The following DPP10 variants were observed in gnomAD, a reference collection of about 807,000 sequenced individuals.
The protein encoded by DPP10 is inactive dipeptidyl peptidase 10.
Under a neutral mutation model 120.9 loss-of-function variants are expected in DPP10, and 33 were observed. The ratio of observed to expected loss-of-function variants is 0.27; its 90% CI spans 0.21 to 0.37. The LOEUF is 0.37. DPP10 is among the 10% of genes least tolerant of loss of function. The probability of loss-of-function intolerance (pLI) is 1.00; values close to 1 mark genes in which losing one functional copy is unlikely to be tolerated. For missense variants in DPP10, 816 were observed against 942.8 expected, an observed-to-expected ratio of 0.87 and a Z score of 1.76; for synonymous variants, 337 against 326.1, an observed-to-expected ratio of 1.03 and a Z score of -0.36.
At chr2:115,505,195 TC>T (rs1393027747) in intron 4 of DPP10, among the ~76,000 whole-genome samples, 1 of 151,946 alleles carries the variant, frequency 6.6e-6, no homozygotes, top group African/African-American at 2.4e-5. Context: ...GAGTAAGTCA[TC>T]CTTATAAACA....
intron 1 of DPP10, among the ~76,000 whole-genome samples, chr2:114,831,355 C>T (rs528729250): frequency 6.6e-6 from 1 of 152,112 alleles, no homozygotes; most frequent in East Asian, 1.9e-4. Context: ...TCTAGCTGTC[C>T]AGTATTTCAC....
chr2:115,166,552 ATATAT>A (rs2052883017), intron 1 of DPP10, among the ~76,000 whole-genome samples: 1 of 146,820 alleles, frequency 6.8e-6, no homozygotes, highest in African/African-American at 2.5e-5. Flanking sequence ...TAATATAAAT[ATATAT>A]TATATAAATT....
chr2:115,591,456 G>T (rs1006406218), intron 5 of DPP10, among the ~76,000 whole-genome samples: 1 of 152,192 alleles, frequency 6.6e-6, no homozygotes, highest in African/African-American at 2.4e-5. Flanking sequence ...TCAAAGATCA[G>T]ATGGTTGTAG....
chr2:114,969,256 A>G (rs1191904131), intron 1 of DPP10, among the ~76,000 whole-genome samples: 1 of 152,206 alleles, frequency 6.6e-6, no homozygotes, highest in African/African-American at 2.4e-5. Context: ...GTGGTATAAA[A>G]AACAGAACTA....
In DPP10 at chr2:115,228,960, G is replaced by T. The variant is rs574133749; in HGVS notation, c.61-80279G>T. On this transcript the variant is annotated intron_variant, in intron 1 of 25. Coordinates refer to ENST00000410059, the MANE Select transcript of DPP10 (RefSeq NM_020868.6). ...TCTTTTAAGGAACCTCCAACTGTTTGCCATAGTGCTTGTACTAATTTACAT... is the reference window on the plus strand; with the variant it reads ...TCTTTTAAGGAACCTCCAACTGTTTTCCATAGTGCTTGTACTAATTTACAT... Among the ~76,000 whole-genome samples the T allele has an allele frequency of 2.0e-5, 3 of 152,162 alleles. No individual in the cohort carries two copies. The South Asian group carries it at 6.2e-4, about 32-fold the overall frequency.
chr2:115,170,057 A>G lies in DPP10; in HGVS notation c.61-139182A>G, dbSNP rs1482409716. ...GCTGCCCTGTGATTTATTTTCAAAT[A>G]ATGGACCAGAGAGACCACTTGAAGT... On this transcript the variant is annotated intron_variant, in intron 1 of 25. Coordinates refer to ENST00000410059, the MANE Select transcript of DPP10 (RefSeq NM_020868.6). Among the ~76,000 whole-genome samples, 3 of 152,326 alleles carry G rather than the reference A, an allele frequency of 2.0e-5. No homozygotes were observed. The East Asian group carries it at 5.8e-4, about 29-fold the overall frequency.
intron 1 of DPP10, among the ~76,000 whole-genome samples, chr2:115,181,584 A>G (rs2054082886): frequency 6.6e-6 from 1 of 152,132 alleles, no homozygotes; most frequent in East Asian, 1.9e-4. Context: ...TCTAAAAGGG[A>G]TTATTCCAAG....
At chr2:114,855,569 A>G (rs908863446) in intron 1 of DPP10, among the ~76,000 whole-genome samples, 1 of 152,216 alleles carries the variant, frequency 6.6e-6, no homozygotes, top group Non-Finnish European at 1.5e-5. Flanking sequence ...CCTTCTCTGT[A>G]TGACAACATT....
intron 1 of DPP10, among the ~76,000 whole-genome samples, chr2:114,783,707 A>C (rs2106205165): frequency 6.6e-6 from 1 of 151,988 alleles, no homozygotes; most frequent in East Asian, 1.9e-4. Context: ...GGTGGCGCAC[A>C]CCTGTGATCC....
At chr2:115,836,117 G>A (rs1392647739) in intron 21 of DPP10, 40 bp from the exon 22 acceptor site, 54 of 891,414 alleles carry the variant, frequency 6.1e-5, no homozygotes, top group Non-Finnish European at 8.0e-5. Flanking sequence ...GTGTGTGTGT[G>A]AGATATATAT....
At chr2:115,281,205 T>C (rs1383761202) in intron 1 of DPP10, among the ~76,000 whole-genome samples, 1 of 152,198 alleles carries the variant, frequency 6.6e-6, no homozygotes, top group Non-Finnish European at 1.5e-5. Context: ...GGTACCTTAA[T>C]GAGGCAACTC....
chr2:114,651,055 C>T (rs187737803), intron 1 of DPP10, among the ~76,000 whole-genome samples: 28 of 152,288 alleles, frequency 1.8e-4, no homozygotes, highest in African/African-American at 6.5e-4. Context: ...TTGTTTTGGT[C>T]TATCTCCTAG....
intron 1 of DPP10, among the ~76,000 whole-genome samples, chr2:114,634,237 A>G (rs1385654806): frequency 6.6e-6 from 1 of 151,840 alleles, no homozygotes; most frequent in Non-Finnish European, 1.5e-5. Context: ...TTTAGGTAAG[A>G]TTTTGTTTCT....
intron 1 of DPP10, among the ~76,000 whole-genome samples, chr2:115,017,719 C>A (rs1040680755): frequency 3.9e-5 from 6 of 151,972 alleles, no homozygotes; most frequent in Non-Finnish European, 8.8e-5. Context: ...ATGGATGAAG[C>A]TGGAAACCAT....
At chr2:114,477,016 T>C (rs1272693360) in intron 1 of DPP10, among the ~76,000 whole-genome samples, 2 of 151,998 alleles carry the variant, frequency 1.3e-5, no homozygotes, top group East Asian at 3.9e-4. Flanking sequence ...TGGAGTGCAG[T>C]GGCATGATTT....
intron 1 of DPP10, among the ~76,000 whole-genome samples, chr2:114,779,450 T>A (rs962855982): frequency 6.6e-6 from 1 of 152,098 alleles, no homozygotes; most frequent in Non-Finnish European, 1.5e-5. Context: ...TTATCTCATA[T>A]CTAGGGTAGC....
At chr2:115,050,599 A>C (rs926102823) in intron 1 of DPP10, among the ~76,000 whole-genome samples, 4 of 152,188 alleles carry the variant, frequency 2.6e-5, no homozygotes, top group African/African-American at 9.7e-5. Flanking sequence ...GAAAGGCTGG[A>C]GATTGAAATG....
At chr2:115,773,614 A>C (rs1681735798) in intron 13 of DPP10, among the ~76,000 whole-genome samples, 1 of 152,108 alleles carries the variant, frequency 6.6e-6, no homozygotes, top group South Asian at 2.1e-4. Flanking sequence ...TTAATATTGC[A>C]GAGATTATGG....
intron 4 of DPP10, among the ~76,000 whole-genome samples, chr2:115,509,800 G>A (rs1183055888): frequency 6.6e-6 from 1 of 152,132 alleles, no homozygotes; most frequent in Non-Finnish European, 1.5e-5. Context: ...CTTCTAAGGT[G>A]GTTGCATGGA....
Sources: allele counts gnomAD v4.1 joint callset (sites outside exome capture counted in the v4.1 genomes callset), GRCh38; gene constraint gnomAD v4.1.1; transcripts MANE v1.5; gene names NCBI Gene and HGNC (gene_info 2026-07-23, HGNC 2026-07-21).